C3orf49: variants seen among roughly 807,000 people sequenced by gnomAD.
C3orf49 encodes chromosome 3 open reading frame 49.
Under a neutral mutation model 13.3 loss-of-function variants are expected in C3orf49, and 27 were observed. That is an observed-to-expected ratio of 2.02 (90% CI 1.49 to 2.79). C3orf49 has a LOEUF of 2.79. Among genes scored for constraint, C3orf49 ranks in the 30% most tolerant of loss-of-function variants. The pLI, the probability that C3orf49 is intolerant of heterozygous loss-of-function variation, is 0.00. For missense variants in C3orf49, 242 were observed against 134.2 expected, an observed-to-expected ratio of 1.80 and a Z score of -3.97; for synonymous variants, 87 against 47.6, an observed-to-expected ratio of 1.83 and a Z score of -3.40.
the C3orf49 span, among the ~76,000 whole-genome samples, chr3:63,799,273 T>G: frequency 6.6e-6 from 1 of 152,142 alleles, no homozygotes; most frequent in Non-Finnish European, 1.5e-5. Context: ...CAAATGTGTG[T>G]GGGGAAGCTT....
At chr3:63,783,667 G>A in the C3orf49 span, among the ~76,000 whole-genome samples, 1 of 151,590 alleles carries the variant, frequency 6.6e-6, no homozygotes, top group Admixed American at 6.6e-5. Context: ...GCAGTAGGCC[G>A]AGACTGTGCC....
upstream of C3orf49, among the ~76,000 whole-genome samples, chr3:63,815,648 C>T (rs1001900041): frequency 6.6e-6 from 1 of 152,152 alleles, no homozygotes; most frequent in Admixed American, 6.5e-5. Context: ...TTAAATGTCT[C>T]ACTTCAAACA....
At chr3:63,807,648 G>A in the C3orf49 span, among the ~76,000 whole-genome samples, 3 of 152,026 alleles carry the variant, frequency 2.0e-5, no homozygotes, top group African/African-American at 7.2e-5. Context: ...CTGAGGTCTG[G>A]GAGTTCGAGG....
At chr3:63,781,897 CCATTTTACAGA>C in the C3orf49 span, among the ~76,000 whole-genome samples, 1 of 152,066 alleles carries the variant, frequency 6.6e-6, no homozygotes, top group African/African-American at 2.4e-5. Context: ...TTTTTTGTCC[CCATTTTACAGA>C]CATGGAAATG....
chr3:63,844,487 T>C (rs1202758873), intron 5 of C3orf49, among the ~76,000 whole-genome samples: 1 of 152,220 alleles, frequency 6.6e-6, no homozygotes, highest in African/African-American at 2.4e-5. Flanking sequence ...ATGTTATCTG[T>C]CATTTTAAAA....
chr3:63,835,104 T>C (rs1189983242), intron 5 of C3orf49: 5 of 1,567,394 alleles, frequency 3.2e-6, no homozygotes, highest in South Asian at 2.3e-5. Flanking sequence ...CATCCCTGGG[T>C]CATTTAAAAA....
At chr3:63,793,171 A>T in the C3orf49 span, among the ~76,000 whole-genome samples, 1 of 152,096 alleles carries the variant, frequency 6.6e-6, no homozygotes, top group East Asian at 1.9e-4. Flanking sequence ...GGCAATGACT[A>T]TATCAACTGT....
chr3:63,794,496 C>T, the C3orf49 span, among the ~76,000 whole-genome samples: 1 of 152,220 alleles, frequency 6.6e-6, no homozygotes, highest in South Asian at 2.1e-4. Context: ...TATCCTATTT[C>T]CCTGCTCTGC....
chr3:63,803,099 C>T, the C3orf49 span, among the ~76,000 whole-genome samples: 1 of 152,180 alleles, frequency 6.6e-6, no homozygotes, highest in South Asian at 2.1e-4. Flanking sequence ...CATAACAGAC[C>T]TCTCCTGCCC....
chr3:63,806,002 A>C, the C3orf49 span, among the ~76,000 whole-genome samples: 6 of 152,104 alleles, frequency 3.9e-5, no homozygotes, highest in East Asian at 1.9e-4. Flanking sequence ...CCCCGCCCCC[A>C]TTTCCTCCAT....
chr3:63,838,081 T>C (rs773651052), intron 5 of C3orf49: 3 of 1,568,900 alleles, frequency 1.9e-6, no homozygotes, highest in African/African-American at 2.8e-5. Context: ...GAAGGTTTTT[T>C]AAAAGATAGT....
intron 6 of C3orf49, among the ~76,000 whole-genome samples, chr3:63,845,302 G>T (rs1307803824): frequency 1.3e-5 from 2 of 152,202 alleles, no homozygotes; most frequent in African/African-American, 4.8e-5. Context: ...CATGACTTCT[G>T]GGTTCATAGT....
chr3:63,835,360 C>CTT, intron 5 of C3orf49: 1 of 1,613,404 alleles, frequency 6.2e-7, no homozygotes, highest in Non-Finnish European at 8.5e-7. Flanking sequence ...GTGAAAGATG[C>CTT]TCTAATTCTT....
At chr3:63,813,140 T>G in the C3orf49 span, among the ~76,000 whole-genome samples, 1 of 152,230 alleles carries the variant, frequency 6.6e-6, no homozygotes, top group Non-Finnish European at 1.5e-5. Flanking sequence ...ACCCATAGTA[T>G]GCATGAAGCA....
chr3:63,789,409 A>T, the C3orf49 span, among the ~76,000 whole-genome samples: 2 of 152,206 alleles, frequency 1.3e-5, no homozygotes, highest in Admixed American at 1.3e-4. Flanking sequence ...ATAGTTTCAA[A>T]CTATAAATAC....
the C3orf49 span, chr3:63,782,436 A>G: frequency 1.4e-3 from 218 of 152,328 alleles, no homozygotes; most frequent in African/African-American, 4.9e-3. Context: ...TCTTACCTGT[A>G]GATAAGAATG....
chr3:63,811,094 T>G, the C3orf49 span, among the ~76,000 whole-genome samples: 3 of 152,152 alleles, frequency 2.0e-5, no homozygotes, highest in Admixed American at 2.0e-4. Context: ...GTGATCCGCC[T>G]GCCTTAGCCT....
At position 63,838,209 on chromosome 3, in the gene C3orf49, C is replaced by T. The variant is rs1415834588; in HGVS notation, c.849+6365C>T. Reference sequence around the variant, plus strand: ...ATAGCTGTAACCCAAAGTACTATATCATCTTAGAATACACATTTTTTATAG... The same window carrying T: ...ATAGCTGTAACCCAAAGTACTATATTATCTTAGAATACACATTTTTTATAG... On this transcript the variant is annotated intron_variant, in intron 5 of 6. Coordinates refer to ENST00000295896, the MANE Select transcript of C3orf49 (RefSeq NM_001355236.2). 1.4e-5 allele frequency: 13 copies of T among 907,118 alleles called. No individual in the cohort carries two copies. The East Asian group carries it at 3.5e-4, about 25-fold the overall frequency. The allele number at this position is 907,118 out of a possible 1,614,324, so 56.2% of individuals were successfully genotyped here.
chr3:63,806,037 A>G, the C3orf49 span, among the ~76,000 whole-genome samples: 1 of 152,116 alleles, frequency 6.6e-6, no homozygotes, highest in African/African-American at 2.4e-5. Context: ...GTGGAATACT[A>G]CTTCTACAAC....
Sources: allele counts gnomAD v4.1 joint callset (sites outside exome capture counted in the v4.1 genomes callset), GRCh38; gene constraint gnomAD v4.1.1; transcripts MANE v1.5; gene names NCBI Gene and HGNC (gene_info 2026-07-23, HGNC 2026-07-21).